Variants in AP3B1 observed in about 807,000 individuals in gnomAD.
The protein encoded by AP3B1 is adaptor related protein complex 3 subunit beta 1, also known as AP-3 complex subunit beta-1.
In AP3B1, 61 loss-of-function variants were observed where a neutral mutation model predicts 132.5. That is an observed-to-expected ratio of 0.46 (90% CI 0.37 to 0.57). AP3B1 has a LOEUF of 0.57. Ranked by LOEUF, AP3B1 falls within the 20% of genes least tolerant of loss-of-function variation. The pLI, the probability that AP3B1 is intolerant of heterozygous loss-of-function variation, is 0.00. For missense variants in AP3B1, 1,120 were observed against 1,289.4 expected (o/e 0.87, Z 2.01); for synonymous variants, 388 against 438.3 (o/e 0.89, Z 1.43).
At chr5:78,227,821 T>C (rs372530657) in intron 4 of AP3B1, among the ~76,000 whole-genome samples, 46 of 152,296 alleles carry the variant, frequency 3.0e-4, no homozygotes, top group African/African-American at 1.1e-3. Flanking sequence ...ATGCTGCAGG[T>C]CATCAATTTC....
intron 2 of AP3B1, among the ~76,000 whole-genome samples, chr5:78,241,443 T>C (rs1481230784): frequency 6.6e-6 from 1 of 152,202 alleles, no homozygotes; most frequent in Non-Finnish European, 1.5e-5. Flanking sequence ...AAAATATTTT[T>C]GCTATTTTCT....
chr5:78,208,205 A>C (rs1745592040), intron 7 of AP3B1, among the ~76,000 whole-genome samples: 2 of 152,200 alleles, frequency 1.3e-5, no homozygotes, highest in South Asian at 4.1e-4. Flanking sequence ...CTAGTAAGCA[A>C]TCAGATTAGA....
intron 22 of AP3B1, among the ~76,000 whole-genome samples, chr5:78,041,433 C>G (rs571210678): frequency 6.6e-6 from 1 of 151,860 alleles, no homozygotes; most frequent in East Asian, 1.9e-4. Context: ...GTGCATTGCG[C>G]CTGTAGTCCC....
chr5:78,081,469 G>A (rs1231298658), intron 22 of AP3B1, among the ~76,000 whole-genome samples: 1 of 151,814 alleles, frequency 6.6e-6, no homozygotes, highest in Admixed American at 6.6e-5. Flanking sequence ...CACTGCGCCC[G>A]GCTAATTTTT....
intron 3 of AP3B1, among the ~76,000 whole-genome samples, chr5:78,232,329 T>C (rs1746680701): frequency 6.6e-6 from 1 of 152,218 alleles, no homozygotes; most frequent in Non-Finnish European, 1.5e-5. Flanking sequence ...AAAAGGCACC[T>C]GAATGAACAA....
intron 7 of AP3B1, among the ~76,000 whole-genome samples, chr5:78,190,815 T>A (rs1744795876): frequency 1.3e-5 from 2 of 152,214 alleles, no homozygotes; most frequent in Admixed American, 6.5e-5. Flanking sequence ...TAAGAAACTT[T>A]CTTTCTAGAA....
At chr5:78,102,530 GA>G (rs1255792183) in intron 20 of AP3B1, among the ~76,000 whole-genome samples, 3 of 151,790 alleles carry the variant, frequency 2.0e-5, no homozygotes, top group Non-Finnish European at 4.4e-5. Flanking sequence ...CTAAGATGGT[GA>G]AAAAAATAGA....
At chr5:78,155,375 G>A (rs966880779) in intron 14 of AP3B1, among the ~76,000 whole-genome samples, 1 of 152,120 alleles carries the variant, frequency 6.6e-6, no homozygotes, top group African/African-American at 2.4e-5. Flanking sequence ...GCCTCTTTCA[G>A]CAATATGAAG....
At chr5:78,242,413 A>AT (rs33923471) in intron 2 of AP3B1, among the ~76,000 whole-genome samples, 3 of 149,902 alleles carry the variant, frequency 2.0e-5, no homozygotes, top group Admixed American at 6.7e-5. Flanking sequence ...TTCTTTCAGA[A>AT]TTTTTTTTTT....
intron 22 of AP3B1, among the ~76,000 whole-genome samples, chr5:78,068,842 A>G (rs975215881): frequency 7.2e-5 from 11 of 152,334 alleles, no homozygotes; most frequent in Admixed American, 2.6e-4. Context: ...ATGAACATCA[A>G]TGCAAAAATC....
chr5:78,214,897 A>C (rs1368524459), intron 7 of AP3B1, among the ~76,000 whole-genome samples: 1 of 152,182 alleles, frequency 6.6e-6, no homozygotes, highest in Non-Finnish European at 1.5e-5. Flanking sequence ...TTCAATTTTT[A>C]AGATGGATAA....
chr5:78,096,744 C>G (rs1362625083), intron 21 of AP3B1, among the ~76,000 whole-genome samples: 2 of 151,662 alleles, frequency 1.3e-5, no homozygotes, highest in African/African-American at 4.8e-5. Flanking sequence ...GCAACTGCCC[C>G]GTCTGAGAAG....
intron 1 of AP3B1, among the ~76,000 whole-genome samples, chr5:78,271,517 A>T (rs1748545749): frequency 2.0e-5 from 3 of 152,242 alleles, no homozygotes; most frequent in African/African-American, 2.4e-5. Flanking sequence ...AAGATTAAAA[A>T]GAAAAAAGCC....
chr5:78,075,246 T>C (rs1158522333), intron 22 of AP3B1, among the ~76,000 whole-genome samples: 1 of 152,196 alleles, frequency 6.6e-6, no homozygotes, highest in Non-Finnish European at 1.5e-5. Flanking sequence ...AAATCCTAAA[T>C]ACAATGCAAC....
chr5:78,244,370 G>A (rs922287065), intron 2 of AP3B1, among the ~76,000 whole-genome samples: 1 of 151,664 alleles, frequency 6.6e-6, no homozygotes, highest in Non-Finnish European at 1.5e-5. Flanking sequence ...CCGAGATCAC[G>A]CCACTGCACT....
chr5:78,207,379 A>T (rs1191816396), intron 7 of AP3B1, among the ~76,000 whole-genome samples: 1 of 152,138 alleles, frequency 6.6e-6, no homozygotes, highest in African/African-American at 2.4e-5. Context: ...ATGAACTGTA[A>T]TCACACCAGT....
chr5:78,262,582 G>T (rs770060386), intron 2 of AP3B1, among the ~76,000 whole-genome samples: 5 of 151,986 alleles, frequency 3.3e-5, no homozygotes, highest in Admixed American at 2.6e-4. Flanking sequence ...TGTTCCATTG[G>T]TCTATACGTT....
intron 7 of AP3B1, among the ~76,000 whole-genome samples, chr5:78,195,093 G>T (rs1206357352): frequency 6.6e-6 from 1 of 151,536 alleles, no homozygotes; most frequent in Non-Finnish European, 1.5e-5. Context: ...AAAAAATGGG[G>T]ACCAATTTAT....
intron 7 of AP3B1, 75 bp from the exon 8 acceptor site, chr5:78,181,737 T>C: frequency 1.4e-6 from 2 of 1,384,098 alleles, no homozygotes; most frequent in Non-Finnish European, 2.0e-6. Flanking sequence ...CAAAGAAAAC[T>C]TTCCTTTAAA....
Sources: gnomAD v4.1 joint callset for allele counts (sites outside exome capture counted in the v4.1 genomes callset) on GRCh38, gnomAD v4.1.1 for gene constraint, MANE v1.5 for transcripts, NCBI Gene and HGNC (gene_info 2026-07-23, HGNC 2026-07-21) for gene names.